The following NKAIN3 variants were observed in gnomAD, a reference collection of about 807,000 sequenced individuals.
NKAIN3 encodes sodium/potassium transporting ATPase interacting 3.
A neutral mutation model predicts 30.2 loss-of-function variants in NKAIN3; 25 were observed. The observed-to-expected ratio is 0.83, with a 90% CI of 0.60 to 1.16. The LOEUF is 1.16. Among genes scored for constraint, NKAIN3 ranks in the 50% most tolerant of loss-of-function variants. The pLI is 0.00. For missense variants in NKAIN3, 225 were observed against 254.1 expected (o/e 0.89, Z 0.78); for synonymous variants, 91 against 89.6 (o/e 1.02, Z -0.09).
chr8:62,430,042 G>C (rs1156461692), intron 1 of NKAIN3, among the ~76,000 whole-genome samples: 1 of 151,630 alleles, frequency 6.6e-6, no homozygotes, highest in African/African-American at 2.4e-5. Context: ...CACTTTCTCT[G>C]TGATTTTCAT....
rs533289224 is a variant in NKAIN3 at position 62,507,212 on chromosome 8, A to C, written c.55-72327A>C. On this transcript the variant is annotated intron_variant, in intron 1 of 6. Transcript: ENST00000623646. ...CAAAATTGAAACAATCTTGGAAGTT[A>C]TGAGTACAACCAGATGGATGAAGAT... is the stretch of plus-strand genomic sequence containing the variant. Among the ~76,000 whole-genome samples, 424 of 152,286 alleles carry C rather than the reference A, an allele frequency of 2.8e-3. 1 individual carries two copies. Among genetic ancestry groups the C allele is most frequent in the African/African-American group, 1.0e-2 (414 of 41,562 alleles).
chr8:62,735,712 C>T (rs999523051), intron 3 of NKAIN3, among the ~76,000 whole-genome samples: 2 of 152,066 alleles, frequency 1.3e-5, no homozygotes, highest in Non-Finnish European at 1.5e-5. Context: ...GTTAAAGAAA[C>T]TTGTTTTGTT....
rs1176869011 is a variant in NKAIN3 at position 62,973,640 on chromosome 8, T to C, written c.*8233T>C. Among the ~76,000 whole-genome samples the C allele has an allele frequency of 6.6e-6, 1 of 152,228 alleles. No individual in the cohort carries two copies. The highest frequency in any genetic ancestry group is 1.5e-5 in the Non-Finnish European group (1 of 68,028). On this transcript the variant is annotated 3_prime_UTR_variant, in exon 7 of 7. Transcript: ENST00000623646. ...GCCTGTTCACTCTGATAATAGTTTC[T>C]TTTGCTGCACAGAAGCTCCTTAGTT...
At chr8:62,803,554 C>T (rs1469869520) in intron 4 of NKAIN3, among the ~76,000 whole-genome samples, 1 of 152,084 alleles carries the variant, frequency 6.6e-6, no homozygotes, top group Non-Finnish European at 1.5e-5. Context: ...TAAAGATGTT[C>T]TTTGAAACCA....
chr8:62,743,027 C>A (rs1294080079), intron 3 of NKAIN3, among the ~76,000 whole-genome samples: 1 of 152,090 alleles, frequency 6.6e-6, no homozygotes, highest in Non-Finnish European at 1.5e-5. Context: ...ATGGGGAAAA[C>A]CACCCCTATG....
At chr8:62,594,615 C>T (rs1423619794) in intron 3 of NKAIN3, among the ~76,000 whole-genome samples, 2 of 152,078 alleles carry the variant, frequency 1.3e-5, no homozygotes, top group Non-Finnish European at 2.9e-5. Flanking sequence ...AGAAATGTCA[C>T]TCTGTCACAT....
chr8:62,293,608 A>C (rs1421405410), intron 1 of NKAIN3, among the ~76,000 whole-genome samples: 4 of 152,172 alleles, frequency 2.6e-5, no homozygotes, highest in Non-Finnish European at 5.9e-5. Context: ...GCTTCATCTC[A>C]GAGTGACACC....
chr8:62,730,664 G>A (rs1815435275), intron 3 of NKAIN3, among the ~76,000 whole-genome samples: 1 of 152,026 alleles, frequency 6.6e-6, no homozygotes. Context: ...GCGAGATTGT[G>A]TTTTTAAAAA....
intron 4 of NKAIN3, among the ~76,000 whole-genome samples, chr8:62,807,437 TTTC>T (rs1216354107): frequency 2.6e-5 from 4 of 152,088 alleles, no homozygotes; most frequent in Non-Finnish European, 5.9e-5. Context: ...CATTATCAGT[TTTC>T]TTGTTTCCTA....
At chr8:62,581,069 C>T (rs555544555) in intron 2 of NKAIN3, among the ~76,000 whole-genome samples, 1 of 147,886 alleles carries the variant, frequency 6.8e-6, no homozygotes, top group South Asian at 2.1e-4. Context: ...TGCCACTCCA[C>T]TCCAGCCTAG....
intron 3 of NKAIN3, among the ~76,000 whole-genome samples, chr8:62,609,795 T>A (rs1299250211): frequency 6.6e-6 from 1 of 152,054 alleles, no homozygotes; most frequent in African/African-American, 2.4e-5. Context: ...ATGTTTGGCA[T>A]GCACAAAGAA....
chr8:62,946,031 T>C (rs193180147), intron 5 of NKAIN3, among the ~76,000 whole-genome samples: 7 of 152,328 alleles, frequency 4.6e-5, no homozygotes, highest in African/African-American at 1.2e-4. Flanking sequence ...ATTCTTCCAG[T>C]TGGAACTGGC....
At chr8:62,890,798 G>A (rs987831811) in intron 4 of NKAIN3, among the ~76,000 whole-genome samples, 20 of 152,098 alleles carry the variant, frequency 1.3e-4, no homozygotes, top group African/African-American at 4.8e-4. Flanking sequence ...AAAAAGAAAG[G>A]GTGTGGCATT....
intron 4 of NKAIN3, among the ~76,000 whole-genome samples, chr8:62,888,998 CTG>C (rs1187426382): frequency 6.6e-6 from 1 of 152,056 alleles, no homozygotes; most frequent in African/African-American, 2.4e-5. Flanking sequence ...TAGACAAATG[CTG>C]TGTGTCAGCA....
intron 4 of NKAIN3, among the ~76,000 whole-genome samples, chr8:62,847,743 G>A (rs1819734807): frequency 6.6e-6 from 1 of 152,060 alleles, no homozygotes; most frequent in Non-Finnish European, 1.5e-5. Flanking sequence ...TCTTGGTCAT[G>A]AAACTTTGCC....
At chr8:62,507,554 A>G (rs1239618603) in intron 1 of NKAIN3, among the ~76,000 whole-genome samples, 2 of 152,140 alleles carry the variant, frequency 1.3e-5, no homozygotes, top group East Asian at 3.9e-4. Context: ...TTTTTGCCAA[A>G]TGCTATACCT....
intron 4 of NKAIN3, among the ~76,000 whole-genome samples, chr8:62,786,186 T>A (rs1817511528): frequency 6.6e-6 from 1 of 152,136 alleles, no homozygotes; most frequent in Admixed American, 6.6e-5. Context: ...GATACTCCCA[T>A]AACAAGTAGT....
chr8:62,593,544 T>C (rs948579535), intron 3 of NKAIN3, among the ~76,000 whole-genome samples: 2 of 151,610 alleles, frequency 1.3e-5, no homozygotes, highest in East Asian at 1.9e-4. Context: ...GTAAGGTTGA[T>C]CCAAAAAAAG....
chr8:62,719,586 T>C (rs1317698447), intron 3 of NKAIN3, among the ~76,000 whole-genome samples: 1 of 152,122 alleles, frequency 6.6e-6, no homozygotes, highest in Non-Finnish European at 1.5e-5. Context: ...GAGATTTTGT[T>C]TGGCTTTTTC....
Sources: allele counts gnomAD v4.1 joint callset (sites outside exome capture counted in the v4.1 genomes callset), GRCh38; gene constraint gnomAD v4.1.1; transcripts MANE v1.5; gene names NCBI Gene and HGNC (gene_info 2026-07-23, HGNC 2026-07-21).